Variants in ABHD8 observed in about 807,000 individuals in gnomAD.
ABHD8 encodes protein ABHD8.
ABHD8 carries 10 observed loss-of-function variants against 29.3 expected under a neutral mutation model. The observed-to-expected ratio is 0.34, with a 90% CI of 0.21 to 0.58. The LOEUF is 0.58. Ranked by LOEUF, ABHD8 falls within the 20% of genes least tolerant of loss-of-function variation. ABHD8 has a pLI of 0.85. For synonymous variants in ABHD8, 282 were observed against 274.6 expected (o/e 1.03, Z -0.27); for missense variants, 556 against 615.3 (o/e 0.90, Z 1.02).
At chr19:17,297,152 G>A (rs1255285563) in intron 2 of ABHD8, among the ~76,000 whole-genome samples, 1 of 152,246 alleles carries the variant, frequency 6.6e-6, no homozygotes, top group Non-Finnish European at 1.5e-5. Flanking sequence ...AGACCTGATT[G>A]TGTCAGGGAC....
chr19:17,294,888 G>A (rs1167198263), intron 2 of ABHD8, 43 bp from the exon 3 acceptor site: 8 of 1,598,222 alleles, frequency 5.0e-6, no homozygotes, highest in East Asian at 4.5e-5. Context: ...GAAGGGAGGC[G>A]GTCAGCAGGA....
At chr19:17,296,884 G>A (rs1015149828) in intron 2 of ABHD8, among the ~76,000 whole-genome samples, 4 of 151,958 alleles carry the variant, frequency 2.6e-5, no homozygotes, top group African/African-American at 9.7e-5. Context: ...TAGTAGAGAC[G>A]GGGTTTCACC....
At position 17,292,485 on chromosome 19, in the gene ABHD8, T is replaced by C. The variant is rs959205130; in HGVS notation, c.*176A>G. On this transcript the variant is annotated 3_prime_UTR_variant, in exon 5 of 5. Coordinates refer to ENST00000247706, the MANE Select transcript of ABHD8 (RefSeq NM_024527.5). ...CGGAAGCGGAGAGCGGAATGTCCGC[T>C]GGGCTCCCTCGGATGCCACGCCCCG... The C allele has an allele frequency of 1.4e-6, 1 of 719,018 alleles. No individual in the cohort carries two copies. The highest frequency in any genetic ancestry group is 1.9e-5 in the African/African-American group (1 of 52,900). The allele number at this position is 719,018 out of a possible 1,614,324, so 44.5% of individuals were successfully genotyped here.
At chr19:17,296,893 C>T (rs2074096374) in intron 2 of ABHD8, among the ~76,000 whole-genome samples, 1 of 152,050 alleles carries the variant, frequency 6.6e-6, no homozygotes, top group African/African-American at 2.4e-5. Context: ...CGGGGTTTCA[C>T]CGTGTTAGTC....
chr19:17,300,738 A>G, intron 2 of ABHD8, 118 bp downstream of exon 2: 1 of 1,327,232 alleles, frequency 7.5e-7, no homozygotes, highest in Non-Finnish European at 1.0e-6. Flanking sequence ...TCGGCCTCCC[A>G]AAGTGCTGGG....
chr19:17,300,712 A>T, intron 2 of ABHD8, 144 bp downstream of exon 2: 1 of 1,060,948 alleles, frequency 9.4e-7, no homozygotes, highest in Non-Finnish European at 1.4e-6. Flanking sequence ...TCCCAACCTC[A>T]GGTGATCCGC....
chr19:17,292,609 C>A lies in ABHD8; in HGVS notation c.*52G>T. On this transcript the variant is annotated 3_prime_UTR_variant, in exon 5 of 5. Coordinates refer to ENST00000247706, the MANE Select transcript of ABHD8 (RefSeq NM_024527.5). ...GCTGCAGACCTGGCGCAGGCTCGGG[C>A]CTCCTCCTGCTGCGGCTGTGCTCAC... 1 of 1,540,024 alleles carries A rather than the reference C, an allele frequency of 6.5e-7. No individual in the cohort carries two copies. Among genetic ancestry groups the A allele is most frequent in the Non-Finnish European group, 8.7e-7 (1 of 1,143,866 alleles).
At chr19:17,294,261 T>C (rs2074083449) in intron 4 of ABHD8, 27 bp downstream of exon 4, 1 of 1,588,526 alleles carries the variant, frequency 6.3e-7, no homozygotes, top group South Asian at 1.1e-5. Flanking sequence ...GATTTGTAGC[T>C]GTGGCGCCCC....
At chr19:17,299,240 C>CCCG (rs1555720795) in intron 2 of ABHD8, among the ~76,000 whole-genome samples, 17 of 148,016 alleles carry the variant, frequency 1.1e-4, no homozygotes, top group Non-Finnish European at 2.2e-4. Context: ...TGAGACCCCC[C>CCCG]CCCCATTCTC....
chr19:17,292,503 ACGCCC>A lies in ABHD8; in HGVS notation c.*153_*157del. The A allele has an allele frequency of 2.3e-6, 2 of 872,904 alleles. No homozygotes were observed. Among genetic ancestry groups the A allele is most frequent in the South Asian group, 2.2e-5 (1 of 46,188 alleles). 54.1% of individuals were successfully genotyped at this position (872,904 alleles called of 1,614,324 possible). On this transcript the variant is annotated 3_prime_UTR_variant, in exon 5 of 5. Transcript: ENST00000247706. The stretch of plus-strand genomic sequence containing the variant: ...TGTCCGCTGGGCTCCCTCGGATGCC[ACGCCC>A]CGCCCAGGCAGCCTGGGGGCGTCTC...
rs34604672 is a variant in ABHD8 at position 17,299,234 on chromosome 19, A to ACCCC, written c.761+1618_761+1621dup. On this transcript the variant is annotated intron_variant, in intron 2 of 4. Coordinates refer to ENST00000247706, the MANE Select transcript of ABHD8 (RefSeq NM_024527.5). ...AGACCAGCCTGGGCAACATAATGAG[A>ACCCC]CCCCCCCCCCATTCTCTATATAATT... 2.0e-3 allele frequency among the ~76,000 whole-genome samples: 252 copies of ACCCC among 128,824 alleles called. 2 individuals carry two copies. The highest frequency in any genetic ancestry group is 3.8e-3 in the Middle Eastern group (1 of 260). The allele number at this position is 128,824 out of a possible 152,430, so 84.5% of individuals were successfully genotyped here.
At chr19:17,297,458 G>A (rs143459060) in intron 2 of ABHD8, among the ~76,000 whole-genome samples, 1 of 152,102 alleles carries the variant, frequency 6.6e-6, no homozygotes, top group Non-Finnish European at 1.5e-5. Context: ...ACCATACCCA[G>A]CTACTTTTTG....
In ABHD8 at chr19:17,301,810, T is replaced by TG. The variant is rs1555721124; in HGVS notation, c.-8-187_-8-186insC. Among the ~76,000 whole-genome samples, 26 of 119,516 alleles carry TG rather than the reference T, an allele frequency of 2.2e-4. 1 individual carries two copies. The highest frequency in any genetic ancestry group is 9.9e-4 in the Admixed American group (13 of 13,186). 78.4% of individuals were successfully genotyped at this position (119,516 alleles called of 152,430 possible). ...TGTGTGTGTGTGTGTGTGTGTGTGT[T>TG]TTTGAGACAGTCTCGCTTTGTCATC... On this transcript the variant is annotated intron_variant, in intron 1 of 4. Coordinates refer to ENST00000247706, the MANE Select transcript of ABHD8 (RefSeq NM_024527.5).
intron 2 of ABHD8, among the ~76,000 whole-genome samples, chr19:17,300,078 G>C (rs1368585430): frequency 6.6e-6 from 1 of 151,432 alleles, no homozygotes; most frequent in Admixed American, 6.6e-5. Flanking sequence ...CTAATTTTTT[G>C]TATTTTTAGT....
intron 2 of ABHD8, among the ~76,000 whole-genome samples, chr19:17,300,229 A>G (rs533464683): frequency 1.3e-5 from 2 of 149,838 alleles, no homozygotes; most frequent in South Asian, 2.1e-4. Context: ...AAAGAGCGAC[A>G]GGTTCTTGCC....
In ABHD8 at chr19:17,301,606, C is replaced by A. The variant is rs769538954; in HGVS notation, c.11G>T (p.Gly4Val). 1.9e-6 allele frequency: 3 copies of A among 1,553,074 alleles called. No homozygotes were observed. The African/African-American group carries it at 4.0e-5, about 21-fold the overall frequency. The change falls in exon 2 of 5, where the codon GGG (glycine) becomes GTG (valine). Residue 4 changes from glycine to valine, a missense_variant. Gly to Val is a moderately radical substitution (Grantham distance 109). Transcript: ENST00000247706. MLT[G>V]VTDGIFCCLL... Reference sequence around the variant, plus strand: ...GCAACAGAAGATACCGTCGGTCACCCCGGTCAGCATGGTGTGTCCTGTGAG... The same window carrying A: ...GCAACAGAAGATACCGTCGGTCACCACGGTCAGCATGGTGTGTCCTGTGAG...
Position 17,294,782 on chromosome 19 carries a change from G to T in ABHD8, c.825C>A (p.Ile275=). The part of the protein sequence containing the change: ...YPDLVHKVIM[I]NGGGPTALEP... ...CCAGCGCCGTAGGGCCCCCGCCATT[G>T]ATCATGATCACCTTGTGCACTAGGT... The change falls in exon 3 of 5, where the codon ATC becomes ATA. Residue 275 remains isoleucine (I), a synonymous_variant. Coordinates refer to ENST00000247706, the MANE Select transcript of ABHD8 (RefSeq NM_024527.5). 6.2e-7 allele frequency: 1 copy of T among 1,614,248 alleles called. No individual in the cohort carries two copies. Among genetic ancestry groups the T allele is most frequent in the East Asian group, 2.2e-5 (1 of 44,888 alleles).
At chr19:17,303,171 T>G (rs1303173318) in intron 1 of ABHD8, 71 bp downstream of exon 1, 1 of 152,168 alleles carries the variant, frequency 6.6e-6, no homozygotes, top group African/African-American at 2.4e-5. Flanking sequence ...GCGGGGTTGG[T>G]GGACACCACT....
intron 2 of ABHD8, among the ~76,000 whole-genome samples, chr19:17,295,120 A>T (rs1319226173): frequency 2.0e-5 from 1 of 51,038 alleles, no homozygotes; most frequent in African/African-American, 1.0e-4. Flanking sequence ...TTTTTTTGAG[A>T]CGGAGTCTCG....
Sources: allele counts gnomAD v4.1 joint callset (sites outside exome capture counted in the v4.1 genomes callset), GRCh38; gene constraint gnomAD v4.1.1; transcripts MANE v1.5; gene names NCBI Gene and HGNC (gene_info 2026-07-23, HGNC 2026-07-21).